Variants in ANKS1B observed in about 807,000 individuals in gnomAD.
The protein encoded by ANKS1B is ankyrin repeat and sterile alpha motif domain-containing protein 1B.
Under a neutral mutation model 148.3 loss-of-function variants are expected in ANKS1B, and 36 were observed. That is an observed-to-expected ratio of 0.24 (90% CI 0.19 to 0.32). ANKS1B has a LOEUF of 0.32. Among genes scored for constraint, ANKS1B ranks in the 10% least tolerant of loss-of-function variants. The probability of loss-of-function intolerance (pLI) is 1.00; values close to 1 mark genes in which losing one functional copy is unlikely to be tolerated. For missense variants in ANKS1B, 1,157 were observed against 1,542.6 expected, an observed-to-expected ratio of 0.75 and a Z score of 4.19; for synonymous variants, 542 against 560.8, an observed-to-expected ratio of 0.97 and a Z score of 0.47.
chr12:99,843,262 G>C (rs1258593839), intron 1 of ANKS1B, among the ~76,000 whole-genome samples: 2 of 152,020 alleles, frequency 1.3e-5, no homozygotes, highest in Non-Finnish European at 2.9e-5. Flanking sequence ...TATATTTACA[G>C]CTCTATTACC....
intron 4 of ANKS1B, among the ~76,000 whole-genome samples, chr12:99,804,000 T>C (rs2067285787): frequency 6.6e-6 from 1 of 152,174 alleles, no homozygotes; most frequent in Non-Finnish European, 1.5e-5. Context: ...AAGCACAAAA[T>C]ACAGTGTTTT....
At chr12:98,923,590 T>A (rs77367088) in intron 17 of ANKS1B, among the ~76,000 whole-genome samples, 2,028 of 152,264 alleles carry the variant, frequency 0.013, 98 homozygotes, top group South Asian at 0.13. Context: ...TTGAATGGAG[T>A]ACCTACACTA....
intron 11 of ANKS1B, among the ~76,000 whole-genome samples, chr12:99,433,583 T>C (rs2095413644): frequency 6.6e-6 from 1 of 152,088 alleles, no homozygotes; most frequent in Admixed American, 6.5e-5. Context: ...AAGGATGGGG[T>C]CAAGTTTTTA....
intron 12 of ANKS1B, among the ~76,000 whole-genome samples, chr12:99,284,319 G>A (rs1307245975): frequency 6.6e-6 from 1 of 152,166 alleles, no homozygotes; most frequent in Non-Finnish European, 1.5e-5. Flanking sequence ...GAAGAGTTGG[G>A]TGCTTTACCC....
rs974510334 is a variant in ANKS1B, at chr12:98,757,518, T to C, written c.3580-5996A>G. Among the ~76,000 whole-genome samples, 4 of 152,352 alleles carry C rather than the reference T, an allele frequency of 2.6e-5. No homozygotes were observed. The East Asian group carries it at 7.7e-4, about 29-fold the overall frequency. On this transcript the variant is annotated intron_variant, in intron 25 of 26. Transcript: ENST00000683438. ...CCATGAGCCCAGGAGCTGTGATGAA[T>C]GCTGCTTAGCCAGGAGGCCAATCCT...
At chr12:99,380,754 C>CTCCCT (rs372925576) in intron 12 of ANKS1B, among the ~76,000 whole-genome samples, 1 of 132,728 alleles carries the variant, frequency 7.5e-6, no homozygotes, top group African/African-American at 3.0e-5. Context: ...GTTTCCTTTC[C>CTCCCT]TCCTTCCTTC....
At chr12:99,824,014 T>C (rs1603033940) in intron 2 of ANKS1B, among the ~76,000 whole-genome samples, 1 of 152,356 alleles carries the variant, frequency 6.6e-6, no homozygotes, top group East Asian at 1.9e-4. Flanking sequence ...TAGTTTGAAA[T>C]CTGCTATCAT....
chr12:99,091,383 T>G (rs1217965020), intron 15 of ANKS1B, among the ~76,000 whole-genome samples: 1 of 152,150 alleles, frequency 6.6e-6, no homozygotes, highest in South Asian at 2.1e-4. Context: ...CGAGCAGGAT[T>G]TGGTGATATC....
At chr12:99,309,934 T>C (rs1357671872) in intron 12 of ANKS1B, among the ~76,000 whole-genome samples, 3 of 152,124 alleles carry the variant, frequency 2.0e-5, no homozygotes, top group African/African-American at 7.2e-5. Flanking sequence ...GAAGTGGCAA[T>C]GTAGGGAATA....
chr12:99,356,957 A>C, intron 12 of ANKS1B, among the ~76,000 whole-genome samples: 1 of 150,044 alleles, frequency 6.7e-6, no homozygotes, highest in South Asian at 2.1e-4. Flanking sequence ...TTGGCTACTC[A>C]TGTATTCATT....
chr12:98,849,057 G>C (rs1349114616), intron 17 of ANKS1B, among the ~76,000 whole-genome samples: 1 of 151,976 alleles, frequency 6.6e-6, no homozygotes, highest in Non-Finnish European at 1.5e-5. Flanking sequence ...GATTTTTCAT[G>C]AAGAATTTTT....
intron 1 of ANKS1B, among the ~76,000 whole-genome samples, chr12:99,845,869 C>T (rs188870874): frequency 3.9e-5 from 6 of 152,062 alleles, no homozygotes; most frequent in Non-Finnish European, 2.9e-5. Context: ...TGGTTGGTGG[C>T]TATTTATTAC....
intron 9 of ANKS1B, among the ~76,000 whole-genome samples, chr12:99,608,805 T>C (rs905574328): frequency 2.6e-4 from 40 of 152,046 alleles, no homozygotes; most frequent in African/African-American, 9.4e-4. Flanking sequence ...CCGGTCCCTA[T>C]GTATGATTAC....
At chr12:99,619,242 C>T (rs1189928867) in intron 9 of ANKS1B, among the ~76,000 whole-genome samples, 2 of 152,066 alleles carry the variant, frequency 1.3e-5, no homozygotes, top group South Asian at 2.1e-4. Context: ...CCACACCATG[C>T]CCAGGCAGAT....
chr12:99,143,521 A>G (rs2071766652), intron 15 of ANKS1B, among the ~76,000 whole-genome samples: 1 of 152,074 alleles, frequency 6.6e-6, no homozygotes, highest in Admixed American at 6.6e-5. Flanking sequence ...TTTCTTGTGG[A>G]TAAAAATCTA....
intron 11 of ANKS1B, among the ~76,000 whole-genome samples, chr12:99,403,320 C>T (rs367796870): frequency 7.0e-6 from 1 of 142,620 alleles, no homozygotes; most frequent in East Asian, 1.9e-4. Flanking sequence ...CCATGTCTGG[C>T]TAATTTCTGT....
At chr12:99,865,190 A>G (rs17029836) in intron 1 of ANKS1B, among the ~76,000 whole-genome samples, 30,687 of 152,182 alleles carry the variant, frequency 0.2, 3,354 homozygotes, top group Non-Finnish European at 0.25. Flanking sequence ...ACAGTACCCA[A>G]CTGAAATATG....
intron 16 of ANKS1B, among the ~76,000 whole-genome samples, chr12:99,065,632 A>C (rs1565855559): frequency 8.8e-6 from 1 of 114,016 alleles, no homozygotes; most frequent in Non-Finnish European, 1.7e-5. Context: ...CCATCCATCC[A>C]TCCATCCCAT....
At chr12:99,295,412 A>G (rs1331227366) in intron 12 of ANKS1B, among the ~76,000 whole-genome samples, 1 of 152,008 alleles carries the variant, frequency 6.6e-6, no homozygotes, top group Non-Finnish European at 1.5e-5. Flanking sequence ...TTGTTTCCTT[A>G]TTACTGGATT....
Sources: allele counts gnomAD v4.1 joint callset (sites outside exome capture counted in the v4.1 genomes callset), GRCh38; gene constraint gnomAD v4.1.1; transcripts MANE v1.5; gene names NCBI Gene and HGNC (gene_info 2026-07-23, HGNC 2026-07-21).